The following OPTN variants were observed in gnomAD, a reference collection of about 807,000 sequenced individuals.
OPTN encodes the protein E3-14.7K-interacting protein.
In OPTN, 54 loss-of-function variants were observed where a neutral mutation model predicts 70.4. The observed-to-expected ratio is 0.77, with a 90% CI of 0.62 to 0.96. The LOEUF (loss-of-function observed/expected upper bound fraction) is 0.96, where lower values mean the gene tolerates loss of function less well. Ranked by LOEUF, OPTN falls within the 40% of genes least tolerant of loss-of-function variation. OPTN has a pLI of 0.00. For missense variants in OPTN, 624 were observed against 673.2 expected (o/e 0.93, Z 0.81); for synonymous variants, 256 against 248.5 (o/e 1.03, Z -0.28).
At chr10:13,128,549 G>A (rs1447425082) in intron 12 of OPTN, among the ~76,000 whole-genome samples, 1 of 47,188 alleles carries the variant, frequency 2.1e-5, no homozygotes, top group Non-Finnish European at 4.0e-5. Flanking sequence ...TGGTTTGCCT[G>A]GCATTTTTTT....
At chr10:13,136,680 T>G (rs1460600424) in intron 14 of OPTN, 65 bp from the exon 15 acceptor site, 1 of 1,605,676 alleles carries the variant, frequency 6.2e-7, no homozygotes, top group Non-Finnish European at 8.5e-7. Flanking sequence ...CCATCTGTTC[T>G]TCAAGTGAAA....
chr10:13,103,742 G>GCACACACACACACACACA (rs771828062), intron 1 of OPTN, among the ~76,000 whole-genome samples: 103 of 64,894 alleles, frequency 1.6e-3, no homozygotes, highest in African/African-American at 3.1e-3. Flanking sequence ...ACACACACAT[G>GCACACACACACACACACA]CACACACACA....
chr10:13,136,414 A>G (rs1023825723), intron 14 of OPTN, among the ~76,000 whole-genome samples: 1 of 142,550 alleles, frequency 7.0e-6, no homozygotes, highest in African/African-American at 2.6e-5. Flanking sequence ...AGGCCAAAGC[A>G]GGAGGATCAC....
At chr10:13,128,534 T>TTTTC (rs1833522168) in intron 12 of OPTN, among the ~76,000 whole-genome samples, 1 of 121,574 alleles carries the variant, frequency 8.2e-6, no homozygotes, top group African/African-American at 3.1e-5. Context: ...TTTTTTTTTT[T>TTTTC]GGTTTGGTTT....
intron 12 of OPTN, among the ~76,000 whole-genome samples, chr10:13,130,450 A>G (rs1833571492): frequency 6.7e-6 from 1 of 148,916 alleles, no homozygotes; most frequent in African/African-American, 2.5e-5. Context: ...AAAAAAAAAA[A>G]AAATCAGACA....
intron 11 of OPTN, among the ~76,000 whole-genome samples, chr10:13,126,344 G>A (rs1253830781): frequency 3.4e-5 from 5 of 146,628 alleles, no homozygotes; most frequent in Admixed American, 1.4e-4. Flanking sequence ...GCAGTGGCGC[G>A]ATCTCGGCTC....
intron 1 of OPTN, among the ~76,000 whole-genome samples, chr10:13,106,279 T>C (rs1314119891): frequency 6.6e-6 from 1 of 152,216 alleles, no homozygotes; most frequent in Non-Finnish European, 1.5e-5. Context: ...TAAAACCCTA[T>C]TTTAATGAGA....
At position 13,118,947 on chromosome 10, in the gene OPTN, A is replaced by G. The variant is rs1833280969; in HGVS notation, c.686A>G (p.Glu229Gly). The change falls in exon 7 of 15, where the codon GAG becomes GGG. Residue 229 changes from glutamate to glycine, a missense_variant. Transcript: ENST00000378747. ...ADGAKNYFEH[E>G]ELTVSQLLLC... ...GGGGCCAAGAATTACTTCGAACATG[A>G]GGAGTTAACTGTGAGCCAGCTCCTG... The G allele has an allele frequency of 6.2e-7, 1 of 1,614,062 alleles. No individual in the cohort carries two copies. The highest frequency in any genetic ancestry group is 8.5e-7 in the Non-Finnish European group (1 of 1,179,902).
At chr10:13,105,918 A>AG (rs1248960595) in intron 1 of OPTN, among the ~76,000 whole-genome samples, 1 of 152,104 alleles carries the variant, frequency 6.6e-6, no homozygotes, top group African/African-American at 2.4e-5. Context: ...GAAAAAAAAA[A>AG]AAAAGTTCAT....
intron 5 of OPTN, among the ~76,000 whole-genome samples, chr10:13,115,049 A>T (rs1421118390): frequency 1.5e-4 from 14 of 91,260 alleles, no homozygotes; most frequent in Admixed American, 3.5e-4. Context: ...TTATATATAG[A>T]TATATCTATA....
At chr10:13,125,219 T>C (rs1833432437) in intron 9 of OPTN, among the ~76,000 whole-genome samples, 199 bp from the exon 10 acceptor site, 1 of 152,242 alleles carries the variant, frequency 6.6e-6, no homozygotes, top group Non-Finnish European at 1.5e-5. Context: ...AGATCTGTAC[T>C]TTTTTATGTT....
intron 12 of OPTN, among the ~76,000 whole-genome samples, chr10:13,129,489 A>T (rs550281103): frequency 6.6e-6 from 1 of 152,172 alleles, no homozygotes; most frequent in African/African-American, 2.4e-5. Context: ...AGTAGCTGGG[A>T]CTACAGGCGC....
chr10:13,113,182 C>T (rs539948837), intron 5 of OPTN, among the ~76,000 whole-genome samples: 6 of 152,220 alleles, frequency 3.9e-5, no homozygotes, highest in Non-Finnish European at 5.9e-5. Flanking sequence ...CCATCACACC[C>T]GGCTAACTTT....
intron 5 of OPTN, among the ~76,000 whole-genome samples, chr10:13,115,211 A>ATATATATATTTATATATATATCTATATT (rs1833143045): frequency 1.0e-4 from 3 of 28,830 alleles, no homozygotes; most frequent in Admixed American, 6.6e-4. Context: ...ATCTATATTT[A>ATATATATATTTATATATATATCTATATT]TATATATATT....
intron 12 of OPTN, 106 bp downstream of exon 12, chr10:13,128,009 T>C: frequency 7.4e-7 from 1 of 1,343,564 alleles, no homozygotes; most frequent in Non-Finnish European, 1.1e-6. Flanking sequence ...ATTTTATATA[T>C]TTTTTCACCC....
rs71386161 is a variant in OPTN at position 13,136,505 on chromosome 10, CAA to C, written c.1613-217_1613-216del. On this transcript the variant is annotated intron_variant, in intron 14 of 14. Coordinates refer to ENST00000378747, the MANE Select transcript of OPTN (RefSeq NM_001008212.2). ...CCTGGGTGACAGCGAGACTCCGTCT[CAA>C]AAAAAAAAAAAAAAAAAAAAAATCC... Among the ~76,000 whole-genome samples the C allele has an allele frequency of 1.0e-2, 726 of 72,802 alleles. 2 individuals are homozygous for C. The highest frequency in any genetic ancestry group is 0.034 in the African/African-American group (632 of 18,574). 47.8% of individuals were successfully genotyped at this position (72,802 alleles called of 152,430 possible).
intron 14 of OPTN, among the ~76,000 whole-genome samples, chr10:13,134,008 C>T (rs993853281): frequency 3.9e-5 from 6 of 152,098 alleles, no homozygotes; most frequent in Non-Finnish European, 7.4e-5. Flanking sequence ...GGGGTTTCAC[C>T]GTGTTGGCCA....
intron 5 of OPTN, among the ~76,000 whole-genome samples, chr10:13,113,283 C>G (rs1245358567): frequency 6.6e-6 from 1 of 152,194 alleles, no homozygotes; most frequent in Non-Finnish European, 1.5e-5. Context: ...GCCTCGGCCT[C>G]CCAAAGTGCT....
chr10:13,115,865 AC>A (rs113414936), intron 5 of OPTN, among the ~76,000 whole-genome samples: 3,610 of 151,714 alleles, frequency 0.024, 142 homozygotes, highest in African/African-American at 0.082. Flanking sequence ...TTTTAACTTT[AC>A]CTCAGTGAGT....
Sources: allele counts gnomAD v4.1 joint callset (sites outside exome capture counted in the v4.1 genomes callset), GRCh38; gene constraint gnomAD v4.1.1; transcripts MANE v1.5; gene names NCBI Gene and HGNC (gene_info 2026-07-23, HGNC 2026-07-21).